FBXL20: variants seen among roughly 807,000 people sequenced by gnomAD.
The protein encoded by FBXL20 is F-box and leucine rich repeat protein 20.
In FBXL20, 11 loss-of-function variants were observed where a neutral mutation model predicts 64.0. The observed-to-expected ratio is 0.17, with a 90% CI of 0.11 to 0.28. The LOEUF is 0.28. Among genes scored for constraint, FBXL20 ranks in the 10% least tolerant of loss-of-function variants. FBXL20 has a pLI of 1.00. For missense variants in FBXL20, 303 were observed against 526.2 expected, an observed-to-expected ratio of 0.58 and a Z score of 4.15; for synonymous variants, 184 against 189.0, an observed-to-expected ratio of 0.97 and a Z score of 0.22.
At chr17:39,326,957 G>A (rs983385221) in intron 2 of FBXL20, among the ~76,000 whole-genome samples, 10 of 148,596 alleles carry the variant, frequency 6.7e-5, no homozygotes, top group African/African-American at 2.5e-4. Context: ...CTTGGCTCAC[G>A]ACAACCTCTG....
intron 8 of FBXL20, 96 bp downstream of exon 8, chr17:39,282,633 C>G: frequency 6.5e-7 from 1 of 1,534,046 alleles, no homozygotes; most frequent in Non-Finnish European, 8.9e-7. Flanking sequence ...CACAACTAAC[C>G]TTTCCCTCCA....
chr17:39,337,835 C>T (rs571113242), intron 2 of FBXL20, among the ~76,000 whole-genome samples: 5 of 151,648 alleles, frequency 3.3e-5, no homozygotes, highest in African/African-American at 7.3e-5. Context: ...GGTCAGCCCC[C>T]GCCAGGCCAG....
intron 6 of FBXL20, among the ~76,000 whole-genome samples, chr17:39,291,116 C>A: frequency 6.6e-6 from 1 of 151,952 alleles, no homozygotes. Context: ...AGCCTGCCAC[C>A]ACGCCCGGCT....
intron 1 of FBXL20, among the ~76,000 whole-genome samples, chr17:39,361,438 G>T (rs1010684199): frequency 2.6e-5 from 4 of 152,172 alleles, no homozygotes; most frequent in Admixed American, 6.5e-5. Flanking sequence ...CCTAGAATTT[G>T]CTGGATTGGA....
At chr17:39,290,049 C>T (rs1250791791) in intron 6 of FBXL20, among the ~76,000 whole-genome samples, 2 of 140,550 alleles carry the variant, frequency 1.4e-5, no homozygotes, top group Admixed American at 1.4e-4. Flanking sequence ...ATTTCTCTAT[C>T]ATTTACTTAA....
rs1208527748 is a variant in FBXL20 at position 39,256,803 on chromosome 17, C to T, written c.*4657G>A. The T allele has an allele frequency of 6.6e-6, 1 of 152,112 alleles. No individual in the cohort carries two copies. Among genetic ancestry groups the T allele is most frequent in the Non-Finnish European group, 1.5e-5 (1 of 68,018 alleles). The allele number at this position is 152,112 out of a possible 1,614,324, so 9.4% of individuals were successfully genotyped here. A position where few individuals can be genotyped will look rare whatever the true frequency, so the allele number is the denominator to read the frequency against. ...CCATGACCCATGAGTGCTCTTCTCCCAACAACACAGTCACCTAAGGACATG... is the reference window on the plus strand; with the variant it reads ...CCATGACCCATGAGTGCTCTTCTCCTAACAACACAGTCACCTAAGGACATG... On this transcript the variant is annotated 3_prime_UTR_variant, in exon 15 of 15. Coordinates refer to ENST00000264658, the MANE Select transcript of FBXL20 (RefSeq NM_032875.3).
rs551138585 is a variant in FBXL20 at position 39,317,624 on chromosome 17, C to T, written c.105-13985G>A. ...AAATGATGGAACAAAACAGGGCATCCAGAAAGGCCCCAGATACATGTAGGA... is the reference window on the plus strand; with the variant it reads ...AAATGATGGAACAAAACAGGGCATCTAGAAAGGCCCCAGATACATGTAGGA... On this transcript the variant is annotated intron_variant, in intron 2 of 14. Transcript: ENST00000264658. Among the ~76,000 whole-genome samples the T allele has an allele frequency of 2.2e-4, 32 of 148,364 alleles. No individual in the cohort carries two copies. The South Asian group carries it at 2.6e-3, about 12-fold the overall frequency.
intron 2 of FBXL20, among the ~76,000 whole-genome samples, chr17:39,337,737 C>T (rs9659660): frequency 2.6e-5 from 4 of 151,100 alleles, no homozygotes; most frequent in African/African-American, 7.3e-5. Flanking sequence ...AAGGGAGGAG[C>T]GTCTCCGACG....
chr17:39,372,777 T>C (rs1274934982), intron 1 of FBXL20, among the ~76,000 whole-genome samples: 1 of 151,324 alleles, frequency 6.6e-6, no homozygotes, highest in South Asian at 2.1e-4. Flanking sequence ...AGGTGTGTGC[T>C]ACCACACCTG....
intron 1 of FBXL20, among the ~76,000 whole-genome samples, chr17:39,396,860 G>A (rs1320227530): frequency 1.3e-5 from 2 of 151,664 alleles, no homozygotes; most frequent in Non-Finnish European, 2.9e-5. Flanking sequence ...GGGAGGCTGC[G>A]GCAGGAGAAT....
chr17:39,311,079 A>C (rs577604038), intron 2 of FBXL20, among the ~76,000 whole-genome samples: 2 of 152,062 alleles, frequency 1.3e-5, no homozygotes, highest in Admixed American at 1.3e-4. Flanking sequence ...AGGTGGGAGG[A>C]TCACTTGAAC....
chr17:39,373,943 CG>C (rs1403872556), intron 1 of FBXL20, among the ~76,000 whole-genome samples: 2 of 152,048 alleles, frequency 1.3e-5, no homozygotes, highest in African/African-American at 2.4e-5. Context: ...AGATTATGGC[CG>C]GACACGGTGG....
chr17:39,337,954 G>A (rs1180172249), intron 2 of FBXL20, among the ~76,000 whole-genome samples: 4 of 151,522 alleles, frequency 2.6e-5, no homozygotes, highest in South Asian at 2.1e-4. Context: ...CCCCGTCCGG[G>A]AGGTGAGGGG....
chr17:39,362,856 G>A (rs1467160017), intron 1 of FBXL20, among the ~76,000 whole-genome samples: 3 of 151,960 alleles, frequency 2.0e-5, no homozygotes, highest in Non-Finnish European at 4.4e-5. Flanking sequence ...GACCTCAAGT[G>A]ATCTGCCTGC....
chr17:39,355,453 C>T (rs1387690134), intron 1 of FBXL20, among the ~76,000 whole-genome samples: 2 of 152,208 alleles, frequency 1.3e-5, no homozygotes, highest in South Asian at 2.1e-4. Context: ...TCCCATGTCA[C>T]CCAGACTGTG....
At chr17:39,319,916 C>CT (rs1317207712) in intron 2 of FBXL20, among the ~76,000 whole-genome samples, 1 of 152,018 alleles carries the variant, frequency 6.6e-6, no homozygotes, top group East Asian at 1.9e-4. Context: ...CTAGCCAATC[C>CT]TTTTACTAAG....
chr17:39,317,904 T>C (rs1236082636), intron 2 of FBXL20, among the ~76,000 whole-genome samples: 2 of 151,452 alleles, frequency 1.3e-5, no homozygotes, highest in Non-Finnish European at 2.9e-5. Flanking sequence ...AGTTTCACCG[T>C]GTTAGCCGGG....
intron 2 of FBXL20, among the ~76,000 whole-genome samples, chr17:39,331,056 ATC>A (rs2047455712): frequency 6.6e-6 from 1 of 152,036 alleles, no homozygotes; most frequent in African/African-American, 2.4e-5. Context: ...CAACACAACA[ATC>A]TCTCTCATGG....
intron 9 of FBXL20, 138 bp downstream of exon 9, chr17:39,281,251 T>G (rs1403354285): frequency 1.4e-6 from 1 of 715,440 alleles, no homozygotes; most frequent in East Asian, 2.7e-5. Context: ...TCAAAAGTCA[T>G]CTGTGTGTTT....
Sources: gnomAD v4.1 joint callset for allele counts (sites outside exome capture counted in the v4.1 genomes callset) on GRCh38, gnomAD v4.1.1 for gene constraint, MANE v1.5 for transcripts, NCBI Gene and HGNC (gene_info 2026-07-23, HGNC 2026-07-21) for gene names.